The following CNTNAP2 variants were observed in gnomAD, a reference collection of about 807,000 sequenced individuals.
The protein encoded by CNTNAP2 is contactin-associated protein-like 2.
In CNTNAP2, 98 loss-of-function variants were observed where a neutral mutation model predicts 155.2. The ratio of observed to expected loss-of-function variants is 0.63; its 90% CI spans 0.54 to 0.75. The LOEUF (loss-of-function observed/expected upper bound fraction) is 0.75, where lower values mean the gene tolerates loss of function less well. Ranked by LOEUF, CNTNAP2 falls within the 30% of genes least tolerant of loss-of-function variation. CNTNAP2 has a pLI of 0.00. For missense variants in CNTNAP2, 1,727 were observed against 1,688.1 expected, an observed-to-expected ratio of 1.02 and a Z score of -0.40; for synonymous variants, 651 against 631.2, an observed-to-expected ratio of 1.03 and a Z score of -0.47.
intron 1 of CNTNAP2, among the ~76,000 whole-genome samples, chr7:146,717,871 A>G (rs2129176488): frequency 6.6e-6 from 1 of 151,826 alleles, no homozygotes; most frequent in East Asian, 2.0e-4. Flanking sequence ...GATTCATCCG[A>G]GGCACATTTG....
chr7:146,958,956 T>C (rs1225919538), intron 3 of CNTNAP2, among the ~76,000 whole-genome samples: 2 of 152,138 alleles, frequency 1.3e-5, no homozygotes, highest in Non-Finnish European at 1.5e-5. Flanking sequence ...ATATTCTGTG[T>C]CTTTCCCCAT....
intron 13 of CNTNAP2, among the ~76,000 whole-genome samples, chr7:147,737,101 A>G (rs575055620): frequency 8.3e-4 from 126 of 152,144 alleles, no homozygotes; most frequent in Non-Finnish European, 1.4e-3. Flanking sequence ...AGGCGCTCTG[A>G]TTTCATAGAA....
At chr7:148,200,046 C>G (rs957042384) in intron 18 of CNTNAP2, among the ~76,000 whole-genome samples, 7 of 152,178 alleles carry the variant, frequency 4.6e-5, no homozygotes, top group African/African-American at 1.7e-4. Flanking sequence ...TTTATTCTTT[C>G]CAGGTGCTCA....
chr7:146,572,588 G>T (rs555843250), intron 1 of CNTNAP2, among the ~76,000 whole-genome samples: 1 of 152,056 alleles, frequency 6.6e-6, no homozygotes, highest in Non-Finnish European at 1.5e-5. Flanking sequence ...AGCGGGCAGG[G>T]GACAAGGAGG....
At chr7:146,163,766 A>C (rs1280044333) in intron 1 of CNTNAP2, among the ~76,000 whole-genome samples, 5 of 151,840 alleles carry the variant, frequency 3.3e-5, no homozygotes, top group Admixed American at 3.3e-4. Flanking sequence ...GGTTGTTTTA[A>C]GTGTGTTTGT....
intron 4 of CNTNAP2, among the ~76,000 whole-genome samples, chr7:147,098,215 A>AT (rs1422475885): frequency 6.6e-6 from 1 of 152,050 alleles, no homozygotes; most frequent in Non-Finnish European, 1.5e-5. Context: ...CTGGACATGC[A>AT]TTTTCCACTT....
At position 148,276,569 on chromosome 7, in the gene CNTNAP2, G is replaced by A. The variant is rs538180688; in HGVS notation, c.3475+9443G>A. On this transcript the variant is annotated intron_variant, in intron 21 of 23. Coordinates refer to ENST00000361727, the MANE Select transcript of CNTNAP2 (RefSeq NM_014141.6). ...GCCAGAGGAAAGTGCAGATGACAGC[G>A]AATCGCAGTCAGTGGTTCCTGGAGC... Among the ~76,000 whole-genome samples the A allele has an allele frequency of 1.2e-4, 19 of 152,350 alleles. No homozygotes were observed. In the South Asian group the frequency reaches 2.5e-3, roughly 20 times the overall value.
At chr7:146,755,197 A>G (rs1398701953) in intron 1 of CNTNAP2, among the ~76,000 whole-genome samples, 1 of 152,000 alleles carries the variant, frequency 6.6e-6, no homozygotes, top group African/African-American at 2.4e-5. Context: ...TCATTCAAAA[A>G]TATATATCTA....
At chr7:148,262,925 A>T (rs1209607598) in intron 20 of CNTNAP2, 1 of 152,216 alleles carries the variant, frequency 6.6e-6, no homozygotes, top group Admixed American at 6.5e-5. Flanking sequence ...TGGTGGTAAC[A>T]CTCGGCAAAG....
chr7:148,001,151 G>A (rs1801889100), intron 15 of CNTNAP2, among the ~76,000 whole-genome samples: 1 of 152,202 alleles, frequency 6.6e-6, no homozygotes, highest in Non-Finnish European at 1.5e-5. Context: ...CACACTCTGA[G>A]GTTCTGGGTG....
intron 1 of CNTNAP2, among the ~76,000 whole-genome samples, chr7:146,388,337 A>G (rs994476527): frequency 8.6e-5 from 13 of 151,992 alleles, no homozygotes; most frequent in Admixed American, 7.2e-4. Context: ...AGGGAGTATG[A>G]GGTGGGAGGA....
chr7:147,400,493 G>A (rs373416125), intron 10 of CNTNAP2, among the ~76,000 whole-genome samples: 21 of 152,236 alleles, frequency 1.4e-4, no homozygotes, highest in East Asian at 1.2e-3. Flanking sequence ...GCTTAATTAA[G>A]TGGTGATCAT....
chr7:147,641,968 C>T (rs896032968), intron 13 of CNTNAP2, among the ~76,000 whole-genome samples: 1 of 151,844 alleles, frequency 6.6e-6, no homozygotes, highest in African/African-American at 2.4e-5. Flanking sequence ...CAGCACAACT[C>T]TTTTTTCTGT....
At chr7:147,751,380 A>C (rs1259905889) in intron 13 of CNTNAP2, among the ~76,000 whole-genome samples, 1 of 137,280 alleles carries the variant, frequency 7.3e-6, no homozygotes, top group African/African-American at 2.6e-5. Flanking sequence ...GTGAATCTTC[A>C]AAGGATGAAT....
intron 13 of CNTNAP2, among the ~76,000 whole-genome samples, chr7:147,729,319 G>A (rs1405473115): frequency 2.6e-5 from 4 of 151,696 alleles, no homozygotes; most frequent in South Asian, 2.1e-4. Flanking sequence ...CTATGTGTCC[G>A]GCCTTTAACT....
intron 19 of CNTNAP2, 43 bp downstream of exon 19, chr7:148,217,567 C>T (rs369639934): frequency 6.3e-7 from 1 of 1,581,258 alleles, no homozygotes; most frequent in South Asian, 1.1e-5. Context: ...AACATTTGGG[C>T]AGACAGAATG....
chr7:146,213,500 A>C (rs1163386544), intron 1 of CNTNAP2, among the ~76,000 whole-genome samples: 1 of 152,324 alleles, frequency 6.6e-6, no homozygotes, highest in Admixed American at 6.5e-5. Context: ...CCTTTTAACT[A>C]CTTTAACAGA....
intron 11 of CNTNAP2, among the ~76,000 whole-genome samples, chr7:147,491,829 A>G (rs1798614546): frequency 6.6e-6 from 1 of 152,238 alleles, no homozygotes; most frequent in Non-Finnish European, 1.5e-5. Context: ...AATGGAAGGC[A>G]GGGTACTAAA....
chr7:146,497,690 T>A (rs895483965), intron 1 of CNTNAP2, among the ~76,000 whole-genome samples: 1 of 151,734 alleles, frequency 6.6e-6, no homozygotes, highest in Non-Finnish European at 1.5e-5. Context: ...ATTGAATATT[T>A]TTTGATGTGA....
Sources: gnomAD v4.1 joint callset for allele counts (sites outside exome capture counted in the v4.1 genomes callset) on GRCh38, gnomAD v4.1.1 for gene constraint, MANE v1.5 for transcripts, NCBI Gene and HGNC (gene_info 2026-07-23, HGNC 2026-07-21) for gene names.